HDAC9: variants seen among roughly 807,000 people sequenced by gnomAD.
HDAC9 encodes the protein MEF-2 interacting transcription repressor (MITR) protein.
Under a neutral mutation model 139.4 loss-of-function variants are expected in HDAC9, and 41 were observed. That is an observed-to-expected ratio of 0.29 (90% CI 0.23 to 0.38). HDAC9 has a LOEUF of 0.38. HDAC9 is among the 10% of genes least tolerant of loss of function. The pLI is 1.00. For missense variants in HDAC9, 1,147 were observed against 1,297.0 expected, an observed-to-expected ratio of 0.88 and a Z score of 1.78; for synonymous variants, 517 against 476.2, an observed-to-expected ratio of 1.09 and a Z score of -1.12.
intron 25 of HDAC9, among the ~76,000 whole-genome samples, chr7:18,981,117 C>T (rs891882610): frequency 1.1e-4 from 17 of 152,080 alleles, no homozygotes; most frequent in Non-Finnish European, 2.4e-4. Context: ...AGCCACCGTG[C>T]CCGGCCTGTT....
intron 1 of HDAC9, among the ~76,000 whole-genome samples, chr7:18,467,151 C>T (rs187750914): frequency 3.3e-5 from 5 of 152,290 alleles, no homozygotes; most frequent in Admixed American, 2.6e-4. Flanking sequence ...ATCTCACCGT[C>T]TTCTTCCCTA....
intron 2 of HDAC9, among the ~76,000 whole-genome samples, chr7:18,562,175 G>T (rs749558988): frequency 2.0e-5 from 3 of 151,764 alleles, no homozygotes; most frequent in Non-Finnish European, 4.4e-5. Context: ...TTTTTTAATT[G>T]GGTCATTTTT....
intron 1 of HDAC9, among the ~76,000 whole-genome samples, chr7:18,477,167 A>G (rs1795174204): frequency 1.3e-5 from 2 of 152,164 alleles, no homozygotes; most frequent in Admixed American, 1.3e-4. Context: ...CTTCTGATGA[A>G]TCCTTCATTA....
At chr7:18,742,211 T>G (rs1255035306) in intron 13 of HDAC9, among the ~76,000 whole-genome samples, 5 of 152,204 alleles carry the variant, frequency 3.3e-5, no homozygotes, top group Admixed American at 2.0e-4. Context: ...GAGAAATGTT[T>G]TGTGAAAGGA....
At chr7:18,811,116 G>C (rs1422430780) in intron 17 of HDAC9, among the ~76,000 whole-genome samples, 1 of 151,562 alleles carries the variant, frequency 6.6e-6, no homozygotes, top group East Asian at 1.9e-4. Flanking sequence ...TCTTATTCCT[G>C]AGAGTGGTAA....
At chr7:18,131,818 C>A (rs913860434) in intron 1 of HDAC9, among the ~76,000 whole-genome samples, 1 of 152,156 alleles carries the variant, frequency 6.6e-6, no homozygotes, top group Non-Finnish European at 1.5e-5. Context: ...CATGTTCACA[C>A]ATCTTTGGTC....
In HDAC9 at chr7:18,178,952, A is replaced by G. The variant is rs979051642; in HGVS notation, c.25+16603A>G. Among the ~76,000 whole-genome samples, 8 of 152,126 alleles carry G rather than the reference A, an allele frequency of 5.3e-5. No individual in the cohort carries two copies. In the South Asian group the frequency reaches 8.3e-4, roughly 16 times the overall value. On this transcript the variant is annotated intron_variant, in intron 2 of 12. Coordinates refer to the HDAC9 transcript ENST00000417496. ...AAGTCTTTATTAAGATTAAATTAGG[A>G]TCTTAAACTTTCTGTGTGTCTCCAT...
At chr7:18,293,150 T>G (rs915756688) in intron 1 of HDAC9, among the ~76,000 whole-genome samples, 1 of 152,152 alleles carries the variant, frequency 6.6e-6, no homozygotes, top group Non-Finnish European at 1.5e-5. Flanking sequence ...TTTTGTCATC[T>G]TGACAGAATC....
In HDAC9 at chr7:18,460,422, A is replaced by G. The variant is rs200666150; in HGVS notation, c.-41-35840A>G. On this transcript the variant is annotated intron_variant, in intron 1 of 3. Transcript: ENST00000413509. Reference sequence around the variant, plus strand: ...TAGAATTATGGTAAATAGCAACTGCATTTGAGGACCAAAATTCAAAGGTTT... The same window carrying G: ...TAGAATTATGGTAAATAGCAACTGCGTTTGAGGACCAAAATTCAAAGGTTT... 3.4e-4 allele frequency among the ~76,000 whole-genome samples: 52 copies of G among 152,236 alleles called. 1 individual carries two copies. The East Asian group carries it at 8.9e-3, about 26-fold the overall frequency.
intron 24 of HDAC9, among the ~76,000 whole-genome samples, chr7:18,974,226 C>T (rs112052037): frequency 6.6e-6 from 1 of 152,234 alleles, no homozygotes; most frequent in Non-Finnish European, 1.5e-5. Context: ...ATCAAGACAT[C>T]AGGATGATCA....
upstream of HDAC9, among the ~76,000 whole-genome samples, chr7:18,285,782 C>G (rs1002254264): frequency 6.6e-6 from 1 of 152,002 alleles, no homozygotes; most frequent in East Asian, 1.9e-4. Flanking sequence ...ACTTTGTGTT[C>G]CAGTGGTAGT....
chr7:18,865,457 G>C (rs1312570833), intron 21 of HDAC9, among the ~76,000 whole-genome samples: 1 of 152,188 alleles, frequency 6.6e-6, no homozygotes, highest in African/African-American at 2.4e-5. Context: ...TGCTAAGGAA[G>C]AAGAGCAGGA....
chr7:18,994,777 A>G (rs1276006306), intron 25 of HDAC9, among the ~76,000 whole-genome samples: 1 of 152,204 alleles, frequency 6.6e-6, no homozygotes, highest in Non-Finnish European at 1.5e-5. Flanking sequence ...TCTGTAAAAT[A>G]ACATGGCCAA....
intron 11 of HDAC9, 138 bp downstream of exon 11, chr7:18,648,821 T>G: frequency 1.4e-6 from 1 of 717,264 alleles, no homozygotes; most frequent in South Asian, 1.8e-5. Flanking sequence ...CCTGCTTTCT[T>G]GGCTCAAGGA....
At chr7:18,238,366 T>C (rs1439537101) in intron 2 of HDAC9, among the ~76,000 whole-genome samples, 1 of 152,214 alleles carries the variant, frequency 6.6e-6, no homozygotes, top group Non-Finnish European at 1.5e-5. Flanking sequence ...ACATCAGTCA[T>C]AACCACGTCA....
chr7:18,090,920 A>C (rs1329860844), intron 1 of HDAC9, among the ~76,000 whole-genome samples: 1 of 152,180 alleles, frequency 6.6e-6, no homozygotes, highest in East Asian at 1.9e-4. Flanking sequence ...CTCTCCTTCA[A>C]ATCCCACTAG....
At chr7:18,497,127 C>T (rs566692194) in intron 2 of HDAC9, among the ~76,000 whole-genome samples, 24 of 152,270 alleles carry the variant, frequency 1.6e-4, no homozygotes, top group Non-Finnish European at 2.9e-4. Context: ...GGCAGTATCA[C>T]TTAACGTGTA....
chr7:18,757,262 A>G lies in HDAC9; in HGVS notation c.2044-4895A>G, dbSNP rs181726266. On this transcript the variant is annotated intron_variant, in intron 14 of 25. Coordinates refer to ENST00000686413, the MANE Select transcript of HDAC9 (RefSeq NM_178425.4). ...ATTTTTGGAGAAAATAAATGAAACC[A>G]CATCCCTTTATTTAGAGACAATGGA... Among the ~76,000 whole-genome samples the G allele has an allele frequency of 6.5e-3, 992 of 152,306 alleles. 7 individuals carry two copies. Among genetic ancestry groups the G allele is most frequent in the Non-Finnish European group, 0.01 (708 of 68,026 alleles).
chr7:18,708,942 ACAC>A (rs928543624), intron 12 of HDAC9, among the ~76,000 whole-genome samples: 6 of 152,148 alleles, frequency 3.9e-5, no homozygotes, highest in Admixed American at 3.9e-4. Context: ...ACACACACAC[ACAC>A]AATTCATACA....
Sources: allele counts gnomAD v4.1 joint callset (sites outside exome capture counted in the v4.1 genomes callset), GRCh38; gene constraint gnomAD v4.1.1; transcripts MANE v1.5; gene names NCBI Gene and HGNC (gene_info 2026-07-23, HGNC 2026-07-21).